Variants in XKR6 observed in about 807,000 individuals in gnomAD.
XKR6 encodes XK-related protein 6.
XKR6 carries 22 observed loss-of-function variants against 56.7 expected under a neutral mutation model. That is an observed-to-expected ratio of 0.39 (90% CI 0.28 to 0.55). XKR6 has a LOEUF of 0.55. Among genes scored for constraint, XKR6 ranks in the 20% least tolerant of loss-of-function variants. The pLI is 0.66. For synonymous variants in XKR6, 524 were observed against 387.8 expected (o/e 1.35, Z -4.13); for missense variants, 852 against 889.0 (o/e 0.96, Z 0.53).
chr8:10,993,776 A>G (rs894303602), intron 1 of XKR6, among the ~76,000 whole-genome samples: 2 of 152,042 alleles, frequency 1.3e-5, no homozygotes, highest in Non-Finnish European at 2.9e-5. Flanking sequence ...CCTTTAGAAT[A>G]TTTCTGTTGT....
At chr8:11,185,551 T>C (rs1261665463) in intron 1 of XKR6, among the ~76,000 whole-genome samples, 1 of 152,244 alleles carries the variant, frequency 6.6e-6, no homozygotes, top group Non-Finnish European at 1.5e-5. Context: ...TTTGGTGATC[T>C]ATATATTCAA....
intron 1 of XKR6, among the ~76,000 whole-genome samples, chr8:10,939,854 C>G (rs1464820479): frequency 5.3e-5 from 8 of 152,208 alleles, no homozygotes; most frequent in Non-Finnish European, 8.8e-5. Context: ...TGTCAGGCGT[C>G]CTTGGGAGAA....
At chr8:11,005,532 C>T (rs1352065463) in intron 1 of XKR6, among the ~76,000 whole-genome samples, 5 of 152,210 alleles carry the variant, frequency 3.3e-5, no homozygotes, top group African/African-American at 4.8e-5. Flanking sequence ...TGCCACTGAA[C>T]TGTACACTTA....
intron 1 of XKR6, among the ~76,000 whole-genome samples, chr8:10,998,398 G>C (rs891425348): frequency 1.3e-5 from 2 of 152,088 alleles, no homozygotes. Context: ...CTAGAATAAC[G>C]AGTCTGCGTT....
At chr8:11,003,910 C>G (rs1019182132) in intron 1 of XKR6, among the ~76,000 whole-genome samples, 7 of 152,148 alleles carry the variant, frequency 4.6e-5, no homozygotes, top group Non-Finnish European at 1.0e-4. Flanking sequence ...CTTTCAAGTT[C>G]TCCTGGTGGG....
At chr8:11,082,197 T>G (rs1358325543) in intron 1 of XKR6, among the ~76,000 whole-genome samples, 1 of 152,194 alleles carries the variant, frequency 6.6e-6, no homozygotes, top group African/African-American at 2.4e-5. Context: ...GGTGGTCCTC[T>G]CCTGTTTGTT....
intron 1 of XKR6, among the ~76,000 whole-genome samples, chr8:11,006,243 A>T (rs1798366284): frequency 6.6e-6 from 1 of 152,172 alleles, no homozygotes. Flanking sequence ...GGAGAGAACA[A>T]ATGGAAGCAG....
At chr8:10,942,193 C>T (rs912214124) in intron 1 of XKR6, among the ~76,000 whole-genome samples, 9 of 152,148 alleles carry the variant, frequency 5.9e-5, no homozygotes, top group African/African-American at 1.9e-4. Flanking sequence ...CATACACACA[C>T]GGCATTCACA....
In XKR6 at chr8:11,058,087, A is replaced by G. The variant is rs902583598; in HGVS notation, c.765-133257T>C. Among the ~76,000 whole-genome samples, 4 of 152,370 alleles carry G rather than the reference A, an allele frequency of 2.6e-5. 1 individual carries two copies. ...ATTCTAGAATATTCGAGGACTAAATATCGGACTGGGTCTCCCCCATTTGAG... is the reference window on the plus strand; with the variant it reads ...ATTCTAGAATATTCGAGGACTAAATGTCGGACTGGGTCTCCCCCATTTGAG... On this transcript the variant is annotated intron_variant, in intron 1 of 2. Transcript: ENST00000416569.
At position 11,200,846 on chromosome 8, in the gene XKR6, G is replaced by C; in HGVS notation, c.494C>G (p.Thr165Ser). Residue 165 changes from threonine (T) to serine (S), a missense_variant, in exon 1 of 3, where the codon ACC becomes AGC. Physicochemically the swap from Thr to Ser is moderately conservative, Grantham distance 58. Transcript: ENST00000416569. This position sits in a 1 kb window ranked among gnomAD's most constrained non-coding sequence, Gnocchi z 6.4. ...CGACGGCACCAGCACGAAGAAGAGG[G>C]TCAGCCCGAAGTAGACGTAGTCCCC... ...RKGDYVYFGL[T>S]LFFVLVPSLL... The C allele has an allele frequency of 6.2e-7, 1 of 1,612,030 alleles. No homozygotes were observed. The highest frequency in any genetic ancestry group is 8.5e-7 in the Non-Finnish European group (1 of 1,179,546).
intron 1 of XKR6, among the ~76,000 whole-genome samples, chr8:11,092,390 G>C (rs1282016648): frequency 1.3e-5 from 2 of 152,150 alleles, no homozygotes; most frequent in South Asian, 2.1e-4. Context: ...TTTAGTTTTA[G>C]AATTCTGGTT....
At chr8:11,146,786 T>C (rs1801007959) in intron 1 of XKR6, among the ~76,000 whole-genome samples, 1 of 152,110 alleles carries the variant, frequency 6.6e-6, no homozygotes, top group Admixed American at 6.6e-5. Context: ...AAAAAACATT[T>C]GTTCTTAAAA....
chr8:10,926,413 G>C (rs917123415), intron 1 of XKR6, among the ~76,000 whole-genome samples: 6 of 152,024 alleles, frequency 3.9e-5, no homozygotes, highest in African/African-American at 1.4e-4. Context: ...CTTCTCTCTA[G>C]ATTCCTAAGG....
intron 1 of XKR6, among the ~76,000 whole-genome samples, chr8:10,990,615 A>G (rs1322089087): frequency 1.3e-5 from 2 of 152,106 alleles, no homozygotes; most frequent in African/African-American, 2.4e-5. Context: ...TTGCTGAGAC[A>G]GGGTCTCACT....
intron 1 of XKR6, among the ~76,000 whole-genome samples, chr8:11,188,521 T>C (rs1462623230): frequency 4.6e-5 from 7 of 152,212 alleles, no homozygotes; most frequent in Admixed American, 4.6e-4. Flanking sequence ...CATCACCCTC[T>C]AGGCCCAACC....
At chr8:11,177,544 G>C (rs553962749) in intron 1 of XKR6, among the ~76,000 whole-genome samples, 13 of 152,298 alleles carry the variant, frequency 8.5e-5, no homozygotes, top group African/African-American at 3.1e-4. Flanking sequence ...GGTCACTGTA[G>C]ATGTAGTAAC....
chr8:11,156,563 G>C (rs531651081), intron 1 of XKR6, among the ~76,000 whole-genome samples: 9 of 152,290 alleles, frequency 5.9e-5, no homozygotes, highest in Non-Finnish European at 1.2e-4. Context: ...GCAAATATCA[G>C]TTTGTCAAAG....
At chr8:10,999,660 C>T (rs1798194760) in intron 1 of XKR6, among the ~76,000 whole-genome samples, 1 of 152,192 alleles carries the variant, frequency 6.6e-6, no homozygotes, top group East Asian at 1.9e-4. Context: ...GGATGTTCTG[C>T]AGATGTGACC....
intron 1 of XKR6, among the ~76,000 whole-genome samples, chr8:11,159,391 A>G (rs1047987807): frequency 2.6e-5 from 4 of 152,240 alleles, no homozygotes; most frequent in Non-Finnish European, 5.9e-5. Flanking sequence ...GCAGTCTGTT[A>G]CGACAGCTAT....
Sources: allele counts gnomAD v4.1 joint callset (sites outside exome capture counted in the v4.1 genomes callset), GRCh38; gene constraint gnomAD v4.1.1; non-coding constraint Gnocchi (gnomAD v3.1); transcripts MANE v1.5; gene names NCBI Gene and HGNC (gene_info 2026-07-23, HGNC 2026-07-21).